Variants in DAB1 observed in about 807,000 individuals in gnomAD.
DAB1 encodes the protein disabled homolog 1.
DAB1 carries 15 observed loss-of-function variants against 64.6 expected under a neutral mutation model. The ratio of observed to expected loss-of-function variants is 0.23; its 90% CI spans 0.16 to 0.36. The LOEUF is 0.36. DAB1 is among the 10% of genes least tolerant of loss of function. DAB1 has a pLI of 1.00. For missense variants in DAB1, 596 were observed against 706.7 expected (o/e 0.84, Z 1.78); for synonymous variants, 235 against 251.9 (o/e 0.93, Z 0.64).
At chr1:57,255,475 A>C (rs565733684) in intron 2 of DAB1, among the ~76,000 whole-genome samples, 45 of 152,224 alleles carry the variant, frequency 3.0e-4, no homozygotes, top group African/African-American at 1.1e-3. Flanking sequence ...CAGCCTGGGC[A>C]TCATGGCAAA....
chr1:57,304,974 T>C (rs1311690183), intron 1 of DAB1, among the ~76,000 whole-genome samples: 1 of 152,232 alleles, frequency 6.6e-6, no homozygotes, highest in African/African-American at 2.4e-5. Context: ...ACTGGGTTGG[T>C]CACAGACCCC....
chr1:57,677,529 G>A (rs779915921), intron 6 of DAB1, among the ~76,000 whole-genome samples: 7 of 152,100 alleles, frequency 4.6e-5, no homozygotes, highest in South Asian at 2.1e-4. Context: ...CCTCTGGACC[G>A]CCACAACACT....
At chr1:57,086,282 G>A (rs1052197137) in intron 4 of DAB1, among the ~76,000 whole-genome samples, 6 of 152,026 alleles carry the variant, frequency 3.9e-5, no homozygotes, top group South Asian at 2.1e-4. Flanking sequence ...GGTGCCCGTC[G>A]ATGGAAGCCA....
chr1:57,110,640 C>G (rs144994680), intron 4 of DAB1, among the ~76,000 whole-genome samples: 7 of 152,292 alleles, frequency 4.6e-5, no homozygotes, highest in Non-Finnish European at 8.8e-5. Context: ...ATACACAGTT[C>G]CTGCTCTCAA....
chr1:57,868,462 A>G (rs1318018982), intron 1 of DAB1, among the ~76,000 whole-genome samples: 1 of 152,174 alleles, frequency 6.6e-6, no homozygotes, highest in East Asian at 1.9e-4. Flanking sequence ...AGCCTGGCCT[A>G]CAAAATTCCC....
Position 57,590,782 on chromosome 1 carries a change from A to ACACC in DAB1, n.625+58809_625+58810insGGTG, listed in dbSNP as rs1491356045. On this transcript the variant is annotated intron_variant and non_coding_transcript_variant, in intron 7 of 20. Transcript: ENST00000485760. ...CACACACACACACACACACACACAC[A>ACACC]CCCCACTCACATATTCTTACCCTAT... Among the ~76,000 whole-genome samples the ACACC allele has an allele frequency of 2.1e-3, 260 of 126,488 alleles. 3 individuals are homozygous for ACACC. The highest frequency in any genetic ancestry group is 8.7e-3 in the Admixed American group (110 of 12,650). 83.0% of individuals were successfully genotyped at this position (126,488 alleles called of 152,430 possible).
chr1:57,508,068 T>C (rs901241364), intron 7 of DAB1, among the ~76,000 whole-genome samples: 4 of 152,228 alleles, frequency 2.6e-5, no homozygotes, highest in Non-Finnish European at 4.4e-5. Flanking sequence ...GAGGATGGTC[T>C]GAGGACCACA....
In DAB1 at chr1:57,176,970, TATAAA is replaced by T. The variant is rs1662393138; in HGVS notation, c.68-31546_68-31542del. On this transcript the variant is annotated intron_variant, in intron 2 of 14. Transcript: ENST00000371236. ...GATAAAAAAAAGAAGCAGCAGCAGA[TATAAA>T]AAAAAAAAAAAAAAAAAGCCCTCAG... 1.1e-3 allele frequency among the ~76,000 whole-genome samples: 65 copies of T among 61,050 alleles called. 1 individual carries two copies. The South Asian group carries it at 0.016, about 15-fold the overall frequency. 40.1% of individuals were successfully genotyped at this position (61,050 alleles called of 152,430 possible).
chr1:58,243,277 T>A (rs1205881421), intron 4 of DAB1, among the ~76,000 whole-genome samples: 1 of 152,148 alleles, frequency 6.6e-6, no homozygotes, highest in South Asian at 2.1e-4. Flanking sequence ...GAAGCTGTAT[T>A]CTGCATTTTA....
intron 3 of DAB1, among the ~76,000 whole-genome samples, chr1:58,402,846 T>C (rs1377605111): frequency 6.6e-6 from 1 of 152,204 alleles, no homozygotes; most frequent in Non-Finnish European, 1.5e-5. Flanking sequence ...ATAATTATGG[T>C]TGCCATAAGT....
At chr1:57,780,725 T>C (rs1557476632) in intron 6 of DAB1, among the ~76,000 whole-genome samples, 1 of 151,868 alleles carries the variant, frequency 6.6e-6, no homozygotes, top group Non-Finnish European at 1.5e-5. Flanking sequence ...TTTTTTCTTT[T>C]CTTTTCTATT....
intron 6 of DAB1, among the ~76,000 whole-genome samples, chr1:57,801,371 G>A (rs908454872): frequency 7.9e-5 from 12 of 152,188 alleles, no homozygotes; most frequent in African/African-American, 2.9e-4. Context: ...TTCAATTGGC[G>A]AGAGGCAGGG....
intron 2 of DAB1, among the ~76,000 whole-genome samples, chr1:57,153,450 T>C (rs929002365): frequency 2.6e-5 from 4 of 152,230 alleles, no homozygotes; most frequent in African/African-American, 7.2e-5. Context: ...GGAGTACCTG[T>C]ATCTCACAAT....
At chr1:57,463,128 A>G (rs1240642961) in intron 7 of DAB1, among the ~76,000 whole-genome samples, 1 of 152,188 alleles carries the variant, frequency 6.6e-6, no homozygotes, top group East Asian at 1.9e-4. Flanking sequence ...CATGGCATAC[A>G]CAGGACCTAG....
At chr1:57,909,215 G>GGTGA (rs375476532) in intron 5 of DAB1, among the ~76,000 whole-genome samples, 224 of 152,222 alleles carry the variant, frequency 1.5e-3, no homozygotes, top group Non-Finnish European at 2.8e-3. Context: ...TATGAACATG[G>GGTGA]GTGAGTCACA....
chr1:58,372,145 C>A (rs181274128), intron 3 of DAB1, among the ~76,000 whole-genome samples: 3 of 152,204 alleles, frequency 2.0e-5, no homozygotes, highest in Non-Finnish European at 2.9e-5. Context: ...AGGCACCCAA[C>A]GCCAGGCAAT....
At chr1:58,134,453 C>A (rs959072820) in intron 5 of DAB1, among the ~76,000 whole-genome samples, 1 of 151,912 alleles carries the variant, frequency 6.6e-6, no homozygotes, top group African/African-American at 2.4e-5. Context: ...TTCCAACATA[C>A]AAATTGTATT....
chr1:57,907,346 A>G (rs1463638306), intron 5 of DAB1, among the ~76,000 whole-genome samples: 1 of 152,204 alleles, frequency 6.6e-6, no homozygotes, highest in Non-Finnish European at 1.5e-5. Context: ...GGGATGGTAA[A>G]GAGAGAACTG....
chr1:58,504,020 A>C (rs1488864432), intron 3 of DAB1, among the ~76,000 whole-genome samples: 1 of 152,176 alleles, frequency 6.6e-6, no homozygotes, highest in East Asian at 1.9e-4. Context: ...AGCCACCATC[A>C]TCTCCTACCA....
Sources: gnomAD v4.1 joint callset for allele counts (sites outside exome capture counted in the v4.1 genomes callset) on GRCh38, gnomAD v4.1.1 for gene constraint, MANE v1.5 for transcripts, NCBI Gene and HGNC (gene_info 2026-07-23, HGNC 2026-07-21) for gene names.